Variants in CRB1 observed in about 807,000 individuals in gnomAD.
CRB1 encodes the protein protein crumbs homolog 1.
CRB1 carries 83 observed loss-of-function variants against 120.0 expected under a neutral mutation model. That is an observed-to-expected ratio of 0.69 (90% confidence interval 0.58 to 0.83). The LOEUF is 0.83. Among genes scored for constraint, CRB1 ranks in the 40% least tolerant of loss-of-function variants. The pLI, the probability that CRB1 is intolerant of heterozygous loss-of-function variation, is 0.00. For missense variants in CRB1, 1,699 were observed against 1,687.6 expected (o/e 1.01, Z -0.12); for synonymous variants, 625 against 612.5 (o/e 1.02, Z -0.30).
chr1:197,310,419 C>T (rs539352382), intron 1 of CRB1, among the ~76,000 whole-genome samples: 3 of 152,172 alleles, frequency 2.0e-5, no homozygotes, highest in Non-Finnish European at 4.4e-5. Context: ...AGCATTATCT[C>T]TTGTCAGGAA....
chr1:197,354,163 T>C (rs1046742088), intron 4 of CRB1, among the ~76,000 whole-genome samples: 1 of 152,170 alleles, frequency 6.6e-6, no homozygotes, highest in Non-Finnish European at 1.5e-5. Context: ...TTGGCAAACG[T>C]TTTGAGCCAC....
intron 11 of CRB1, among the ~76,000 whole-genome samples, chr1:197,464,739 T>C (rs1466794452): frequency 6.6e-6 from 1 of 151,786 alleles, no homozygotes; most frequent in Non-Finnish European, 1.5e-5. Flanking sequence ...GAGACAAGAA[T>C]TATCCAGAAA....
rs1446283263 is a variant in CRB1, at chr1:197,364,278, T to C, written c.1171+7265T>C. The stretch of plus-strand genomic sequence containing the variant: ...AAGAAAAGTGGCGTTGCCCTATAGG[T>C]AATAGATTATTTCTATCTAACTGCT... On this transcript the variant is annotated intron_variant, in intron 5 of 11. Coordinates refer to ENST00000367400, the MANE Select transcript of CRB1 (RefSeq NM_201253.3). 3.3e-5 allele frequency among the ~76,000 whole-genome samples: 5 copies of C among 152,226 alleles called. 1 individual carries two copies. The highest frequency in any genetic ancestry group is 1.2e-4 in the African/African-American group (5 of 41,456).
chr1:197,427,424 T>A (rs745731215), intron 6 of CRB1, 30 bp from the exon 7 acceptor site: 2 of 1,607,474 alleles, frequency 1.2e-6, no homozygotes, highest in East Asian at 4.5e-5. Flanking sequence ...TTCTTTTTTT[T>A]TCTCCTCCTC....
intron 1 of CRB1, among the ~76,000 whole-genome samples, chr1:197,271,334 C>A (rs1489822902): frequency 6.6e-6 from 1 of 152,128 alleles, no homozygotes; most frequent in Non-Finnish European, 1.5e-5. Context: ...CAGCTCCATA[C>A]TGTATTTTGT....
At chr1:197,220,977 A>G in the CRB1 span, among the ~76,000 whole-genome samples, 1 of 152,202 alleles carries the variant, frequency 6.6e-6, no homozygotes, top group Non-Finnish European at 1.5e-5. Context: ...GTAGTTCTGT[A>G]TAGCAGTGTG....
intron 5 of CRB1, among the ~76,000 whole-genome samples, chr1:197,391,102 T>A (rs1044357890): frequency 6.6e-6 from 1 of 152,122 alleles, no homozygotes; most frequent in African/African-American, 2.4e-5. Context: ...GAGAATTCGC[T>A]TGGAGACCAG....
At chr1:197,400,307 T>C (rs1229622666) in intron 5 of CRB1, among the ~76,000 whole-genome samples, 1 of 146,006 alleles carries the variant, frequency 6.8e-6, no homozygotes, top group Non-Finnish European at 1.5e-5. Flanking sequence ...GTAAGAGCTT[T>C]TTTTTTTTTT....
intron 4 of CRB1, among the ~76,000 whole-genome samples, chr1:197,354,325 A>C (rs547402586): frequency 1.3e-5 from 2 of 152,302 alleles, no homozygotes; most frequent in African/African-American, 2.4e-5. Flanking sequence ...GCTTACACAG[A>C]CAGCCATGTA....
chr1:197,406,037 G>T (rs1663372128), intron 5 of CRB1, among the ~76,000 whole-genome samples: 1 of 152,020 alleles, frequency 6.6e-6, no homozygotes, highest in Non-Finnish European at 1.5e-5. Context: ...GGGAAGTGAG[G>T]AGCCCCTCTG....
At chr1:197,337,651 T>G (rs2125318114) in intron 2 of CRB1, among the ~76,000 whole-genome samples, 1 of 152,298 alleles carries the variant, frequency 6.6e-6, no homozygotes. Context: ...TTTGCCTTTG[T>G]TTTTTACAGG....
intron 1 of CRB1, among the ~76,000 whole-genome samples, chr1:197,288,288 C>G (rs1655952701): frequency 6.6e-6 from 1 of 151,774 alleles, no homozygotes; most frequent in Non-Finnish European, 1.5e-5. Flanking sequence ...TGTACCTGTG[C>G]CCAGTAGCCA....
intron 1 of CRB1, among the ~76,000 whole-genome samples, chr1:197,319,546 G>T (rs12137853): frequency 6.6e-6 from 1 of 150,710 alleles, no homozygotes; most frequent in Admixed American, 6.6e-5. Context: ...GAAGTAAAGA[G>T]ATTTGGTCAC....
chr1:197,376,799 A>T (rs1223501373), intron 5 of CRB1, among the ~76,000 whole-genome samples: 2 of 152,148 alleles, frequency 1.3e-5, no homozygotes, highest in Non-Finnish European at 2.9e-5. Flanking sequence ...CAAACAGTCC[A>T]GTGGCTCACA....
intron 9 of CRB1, chr1:197,437,941 T>C (rs1034339115): frequency 6.4e-6 from 1 of 155,276 alleles, no homozygotes; most frequent in African/African-American, 2.4e-5. Flanking sequence ...ATGAGGATTC[T>C]TTAACATGTA....
intron 1 of CRB1, among the ~76,000 whole-genome samples, chr1:197,293,763 T>C (rs898613873): frequency 6.6e-6 from 1 of 151,812 alleles, no homozygotes; most frequent in Admixed American, 6.6e-5. Flanking sequence ...ATACCACACA[T>C]CTACAACCAT....
intron 1 of CRB1, among the ~76,000 whole-genome samples, chr1:197,275,323 ACT>A (rs1319439204): frequency 6.6e-6 from 1 of 151,966 alleles, no homozygotes; most frequent in Non-Finnish European, 1.5e-5. Context: ...TATGAATAAA[ACT>A]CTGATATATG....
intron 1 of CRB1, among the ~76,000 whole-genome samples, chr1:197,312,578 G>A (rs1035429616): frequency 6.6e-5 from 10 of 151,962 alleles, no homozygotes; most frequent in South Asian, 4.2e-4. Flanking sequence ...GTGAAACTCC[G>A]TCTCAAAACA....
intron 5 of CRB1, among the ~76,000 whole-genome samples, chr1:197,416,947 A>G (rs962844945): frequency 2.0e-5 from 3 of 152,120 alleles, no homozygotes; most frequent in Non-Finnish European, 2.9e-5. Flanking sequence ...TGACCTCATG[A>G]TCCACCCGCC....
Sources: gnomAD v4.1 joint callset for allele counts (sites outside exome capture counted in the v4.1 genomes callset) on GRCh38, gnomAD v4.1.1 for gene constraint, MANE v1.5 for transcripts, NCBI Gene and HGNC (gene_info 2026-07-23, HGNC 2026-07-21) for gene names.